Variants in NCOA2 observed in about 807,000 individuals in gnomAD.
The protein encoded by NCOA2 is class E basic helix-loop-helix protein 75.
Under a neutral mutation model 145.1 loss-of-function variants are expected in NCOA2, and 21 were observed. That is an observed-to-expected ratio of 0.14 (90% confidence interval 0.10 to 0.21). The LOEUF is 0.21. NCOA2 is among the 10% of genes least tolerant of loss of function. The probability of loss-of-function intolerance (pLI) is 1.00; values close to 1 mark genes in which losing one functional copy is unlikely to be tolerated. For synonymous variants in NCOA2, 619 were observed against 637.5 expected (o/e 0.97, Z 0.44); for missense variants, 1,472 against 1,837.6 (o/e 0.80, Z 3.64).
chr8:70,455,037 C>A, the NCOA2 span, among the ~76,000 whole-genome samples: 10 of 152,108 alleles, frequency 6.6e-5, no homozygotes, highest in Non-Finnish European at 1.0e-4. Context: ...TGGCTCCAAG[C>A]CCAGGCTCAT....
intron 4 of NCOA2, among the ~76,000 whole-genome samples, chr8:70,198,408 A>G (rs1817564528): frequency 6.6e-6 from 1 of 152,208 alleles, no homozygotes; most frequent in South Asian, 2.1e-4. Flanking sequence ...CCTGGAAAGT[A>G]CAATGGGACC....
At chr8:70,293,554 T>C (rs1826866433) in intron 2 of NCOA2, among the ~76,000 whole-genome samples, 1 of 152,224 alleles carries the variant, frequency 6.6e-6, no homozygotes, top group Non-Finnish European at 1.5e-5. Flanking sequence ...GGGCTGTACT[T>C]AGCATGTGTG....
intron 4 of NCOA2, among the ~76,000 whole-genome samples, chr8:70,182,437 A>C (rs1815592200): frequency 6.6e-6 from 1 of 152,208 alleles, no homozygotes; most frequent in Non-Finnish European, 1.5e-5. Context: ...AGAAACAAAA[A>C]TCATGTCTCA....
At chr8:70,334,395 C>A (rs1043527439) in intron 1 of NCOA2, among the ~76,000 whole-genome samples, 3 of 152,152 alleles carry the variant, frequency 2.0e-5, no homozygotes, top group African/African-American at 7.2e-5. Context: ...TGGATCTATA[C>A]CTTTATTAGC....
At position 70,144,641 on chromosome 8, in the gene NCOA2, C is replaced by A; in HGVS notation, c.2812+1G>T. ...AAGTAACAGTGCATTTGACCCCTTA[C>A]CTGTGCTACTGTTCCCTAAATTTCC... On this transcript the variant is annotated splice_donor_variant, in intron 13 of 22. Coordinates refer to ENST00000452400, the MANE Select transcript of NCOA2 (RefSeq NM_006540.4). LOFTEE classifies it high-confidence loss of function. The A allele has an allele frequency of 6.2e-7, 1 of 1,611,900 alleles. No individual in the cohort carries two copies. The highest frequency in any genetic ancestry group is 8.5e-7 in the Non-Finnish European group (1 of 1,177,974).
chr8:70,395,999 G>C (rs1182541653), intron 1 of NCOA2, among the ~76,000 whole-genome samples: 1 of 152,200 alleles, frequency 6.6e-6, no homozygotes, highest in Non-Finnish European at 1.5e-5. Context: ...TCCGCGCTCC[G>C]TGCAAACAAT....
intron 7 of NCOA2, 73 bp from the exon 8 acceptor site, chr8:70,163,639 G>T: frequency 9.2e-7 from 1 of 1,090,008 alleles, no homozygotes; most frequent in Non-Finnish European, 1.4e-6. Flanking sequence ...GTGTATTTAT[G>T]ACAGCACAGC....
intron 1 of NCOA2, among the ~76,000 whole-genome samples, chr8:70,344,807 T>G (rs1808470081): frequency 1.3e-5 from 2 of 152,098 alleles, no homozygotes. Flanking sequence ...CTTCAAGCAC[T>G]CAAAAGACAA....
chr8:70,313,669 T>C (rs1360887921), intron 1 of NCOA2, among the ~76,000 whole-genome samples: 1 of 152,198 alleles, frequency 6.6e-6, no homozygotes, highest in Non-Finnish European at 1.5e-5. Context: ...AAGTTATATA[T>C]TTACTTTTAA....
the NCOA2 span, among the ~76,000 whole-genome samples, chr8:70,410,666 G>A: frequency 3.3e-4 from 51 of 152,290 alleles, 1 homozygote; most frequent in South Asian, 6.8e-3. Context: ...AATTTCCATC[G>A]TCAAGTTATG....
intron 2 of NCOA2, among the ~76,000 whole-genome samples, chr8:70,235,508 A>C (rs1037037645): frequency 6.6e-6 from 1 of 152,198 alleles, no homozygotes; most frequent in Non-Finnish European, 1.5e-5. Context: ...ACCACTCCAG[A>C]CCCATCAGAT....
chr8:70,199,526 GGAA>G lies in NCOA2; in HGVS notation c.259+14374_259+14376del, dbSNP rs575627417. Among the ~76,000 whole-genome samples, 590 of 152,134 alleles carry G rather than the reference GGAA, an allele frequency of 3.9e-3. 4 individuals carry two copies. The highest frequency in any genetic ancestry group is 6.3e-3 in the Non-Finnish European group (428 of 67,994). ...ACCAGAGAAGCTAGGCAGGCAGATG[GGAA>G]GAAGAGCTGCCACCTCTGATCAACG... is the stretch of plus-strand genomic sequence containing the variant. On this transcript the variant is annotated intron_variant, in intron 4 of 22. Coordinates refer to ENST00000452400, the MANE Select transcript of NCOA2 (RefSeq NM_006540.4).
chr8:70,309,410 C>T (rs1828134092), intron 1 of NCOA2, among the ~76,000 whole-genome samples: 1 of 146,006 alleles, frequency 6.8e-6, no homozygotes, highest in Non-Finnish European at 1.5e-5. Flanking sequence ...AAGCTGGAAA[C>T]CAGAATGGCA....
At chr8:70,129,750 C>A (rs1315723530) in intron 16 of NCOA2, among the ~76,000 whole-genome samples, 1 of 152,110 alleles carries the variant, frequency 6.6e-6, no homozygotes, top group Non-Finnish European at 1.5e-5. Flanking sequence ...CGGCTCACTG[C>A]AACCTTGCCT....
chr8:70,174,482 A>T (rs1051129326), intron 5 of NCOA2, among the ~76,000 whole-genome samples: 1 of 152,216 alleles, frequency 6.6e-6, no homozygotes, highest in African/African-American at 2.4e-5. Context: ...TTGTGAATAC[A>T]GTTTCTCAAA....
chr8:70,285,689 G>T (rs1826185402), intron 2 of NCOA2, among the ~76,000 whole-genome samples: 1 of 152,170 alleles, frequency 6.6e-6, no homozygotes, highest in African/African-American at 2.4e-5. Flanking sequence ...ATGTGGGTAG[G>T]ACTATATATA....
chr8:70,393,311 T>C (rs868585775), intron 1 of NCOA2, among the ~76,000 whole-genome samples: 2 of 152,324 alleles, frequency 1.3e-5, no homozygotes, highest in Middle Eastern at 6.8e-3. Context: ...GCCATCAGCA[T>C]TGCCATTCTG....
chr8:70,155,835 G>A (rs1213070265), intron 11 of NCOA2, 136 bp downstream of exon 11: 5 of 720,576 alleles, frequency 6.9e-6, no homozygotes, highest in South Asian at 4.7e-5. Flanking sequence ...CAGCTTCAGC[G>A]AGATTTTCAA....
At chr8:70,309,982 C>T (rs1445709707) in intron 1 of NCOA2, among the ~76,000 whole-genome samples, 1 of 151,318 alleles carries the variant, frequency 6.6e-6, no homozygotes, top group African/African-American at 2.4e-5. Context: ...AACAAAAAAA[C>T]GAAACCAAAC....
Sources: gnomAD v4.1 joint callset for allele counts (sites outside exome capture counted in the v4.1 genomes callset) on GRCh38, gnomAD v4.1.1 for gene constraint, MANE v1.5 for transcripts, NCBI Gene and HGNC (gene_info 2026-07-23, HGNC 2026-07-21) for gene names.